ABHD13: variants seen among roughly 807,000 people sequenced by gnomAD.
ABHD13 encodes the protein abhydrolase domain containing 13, also known as protein ABHD13.
A neutral mutation model predicts 25.2 loss-of-function variants in ABHD13; 7 were observed. The ratio of observed to expected loss-of-function variants is 0.28; its 90% confidence interval spans 0.16 to 0.52. The LOEUF (loss-of-function observed/expected upper bound fraction) is 0.52, where lower values mean the gene tolerates loss of function less well. Among genes scored for constraint, ABHD13 ranks in the 20% least tolerant of loss-of-function variants. The pLI is 0.96. For synonymous variants in ABHD13, 133 were observed against 136.1 expected, an observed-to-expected ratio of 0.98 and a Z score of 0.16; for missense variants, 302 against 402.7, an observed-to-expected ratio of 0.75 and a Z score of 2.14.
chr13:108,222,770 CAT>C (rs1163216403), intron 1 of ABHD13, among the ~76,000 whole-genome samples: 1 of 152,132 alleles, frequency 6.6e-6, no homozygotes, highest in Non-Finnish European at 1.5e-5. Context: ...TACATACTCA[CAT>C]AAATAAAATT....
chr13:108,223,604 A>T (rs905594421), intron 1 of ABHD13, among the ~76,000 whole-genome samples: 3 of 152,260 alleles, frequency 2.0e-5, no homozygotes, highest in African/African-American at 7.2e-5. Flanking sequence ...ACGTGAGGCC[A>T]CTACCTTGAT....
Position 108,230,268 on chromosome 13 carries a change from T to C in ABHD13, c.*36T>C, listed in dbSNP as rs141948815. 1.8e-4 allele frequency: 264 copies of C among 1,463,450 alleles called. 2 individuals are homozygous for C. In the East Asian group the frequency reaches 5.2e-3, roughly 29 times the overall value. 90.7% of individuals were successfully genotyped at this position (1,463,450 alleles called of 1,614,324 possible). On this transcript the variant is annotated 3_prime_UTR_variant, in exon 2 of 2. Transcript: ENST00000375898. The stretch of plus-strand genomic sequence containing the variant: ...TTTGATTATTGCATTGTATTTTAAT[T>C]TGTGCAGAATGATAAAGAATGTTCC...
At chr13:108,222,127 A>C (rs1879582076) in intron 1 of ABHD13, among the ~76,000 whole-genome samples, 1 of 152,174 alleles carries the variant, frequency 6.6e-6, no homozygotes, top group Non-Finnish European at 1.5e-5. Flanking sequence ...CGCATGAGCC[A>C]CCATGCCTGG....
chr13:108,224,800 A>C (rs1594489503), intron 1 of ABHD13, among the ~76,000 whole-genome samples: 1 of 152,186 alleles, frequency 6.6e-6, no homozygotes, highest in East Asian at 1.9e-4. Context: ...TAGGACCATA[A>C]ATCCTCAAGA....
intron 1 of ABHD13, among the ~76,000 whole-genome samples, chr13:108,223,652 T>C (rs182112465): frequency 7.2e-5 from 11 of 152,342 alleles, no homozygotes; most frequent in African/African-American, 2.6e-4. Flanking sequence ...CATCATTGCT[T>C]ATGCATCATT....
At position 108,233,689 on chromosome 13, in the gene ABHD13, T is replaced by G. The variant is rs1311496845; in HGVS notation, c.*3457T>G. ...GGTAGAAAATGAAATGTACTTCTGTTTATTCTTAATACTATATATATATAT... is the reference window on the plus strand; with the variant it reads ...GGTAGAAAATGAAATGTACTTCTGTGTATTCTTAATACTATATATATATAT... On this transcript the variant is annotated 3_prime_UTR_variant, in exon 2 of 2. Coordinates refer to ENST00000375898, the MANE Select transcript of ABHD13 (RefSeq NM_032859.3). The G allele has an allele frequency of 6.0e-6, 1 of 166,454 alleles. No individual in the cohort carries two copies. Among genetic ancestry groups the G allele is most frequent in the African/African-American group, 2.4e-5 (1 of 41,412 alleles). The allele number at this position is 166,454 out of a possible 1,614,324, so 10.3% of individuals were successfully genotyped here. A position where few individuals can be genotyped will look rare whatever the true frequency, so the allele number is the denominator to read the frequency against.
In ABHD13 at chr13:108,231,801, A is replaced by G. The variant is rs1005381434; in HGVS notation, c.*1569A>G. The G allele has an allele frequency of 5.4e-5, 9 of 166,860 alleles. No homozygotes were observed. The highest frequency in any genetic ancestry group is 2.2e-4 in the African/African-American group (9 of 41,454). The allele number at this position is 166,860 out of a possible 1,614,324, so 10.3% of individuals were successfully genotyped here. A position where few individuals can be genotyped will look rare whatever the true frequency, so the allele number is the denominator to read the frequency against. ...GCTAGAAATACTTTTGCCAAATAGC[A>G]TTCTTATTCACTTTATGCCGGTATT... On this transcript the variant is annotated 3_prime_UTR_variant, in exon 2 of 2. Transcript: ENST00000375898.
chr13:108,222,631 G>A (rs1566379258), intron 1 of ABHD13, among the ~76,000 whole-genome samples: 1 of 152,020 alleles, frequency 6.6e-6, no homozygotes, highest in Non-Finnish European at 1.5e-5. Context: ...TATTGTGTTA[G>A]AAATTAAAAC....
rs1879818208 is a variant in ABHD13, at chr13:108,232,110, A to AG, written c.*1878_*1879insG. ...ATTTGTATCATTCTTTAAAGTTTAC[A>AG]AAAAAAAACCTTATGTTTTTATGTA... On this transcript the variant is annotated 3_prime_UTR_variant, in exon 2 of 2. Transcript: ENST00000375898. The AG allele has an allele frequency of 6.1e-6, 1 of 163,112 alleles. No homozygotes were observed. The highest frequency in any genetic ancestry group is 1.5e-5 in the Non-Finnish European group (1 of 66,748). 10.1% of individuals were successfully genotyped at this position (163,112 alleles called of 1,614,324 possible).
rs1370351985 is a variant in ABHD13 at position 108,232,629 on chromosome 13, C to T, written c.*2397C>T. 1 of 166,740 alleles carries T rather than the reference C, an allele frequency of 6.0e-6. No homozygotes were observed. The highest frequency in any genetic ancestry group is 1.5e-5 in the Non-Finnish European group (1 of 68,014). The allele number at this position is 166,740 out of a possible 1,614,324, so 10.3% of individuals were successfully genotyped here. ...TATATGTATCTATCTTGTGTATTAA[C>T]TTCTGACTTATTTATACAAGAGCAG... On this transcript the variant is annotated 3_prime_UTR_variant, in exon 2 of 2. Coordinates refer to ENST00000375898, the MANE Select transcript of ABHD13 (RefSeq NM_032859.3).
intron 1 of ABHD13, among the ~76,000 whole-genome samples, chr13:108,220,433 G>T (rs1310214628): frequency 1.3e-5 from 2 of 152,162 alleles, no homozygotes; most frequent in African/African-American, 4.8e-5. Context: ...TATCTCAGGG[G>T]AATCTATTTC....
intron 1 of ABHD13, among the ~76,000 whole-genome samples, chr13:108,227,747 A>ATT (rs1879705088): frequency 6.6e-6 from 1 of 152,050 alleles, no homozygotes; most frequent in Non-Finnish European, 1.5e-5. Flanking sequence ...ATAGGTAAGC[A>ATT]TTTTAAAAAC....
In ABHD13 at chr13:108,231,361, A is replaced by G. The variant is rs545561966; in HGVS notation, c.*1129A>G. 3 of 166,766 alleles carry G rather than the reference A, an allele frequency of 1.8e-5. No individual in the cohort carries two copies. In the East Asian group the frequency reaches 5.8e-4, roughly 32 times the overall value. 10.3% of individuals were successfully genotyped at this position (166,766 alleles called of 1,614,324 possible). A position where few individuals can be genotyped will look rare whatever the true frequency, so the allele number is the denominator to read the frequency against. On this transcript the variant is annotated 3_prime_UTR_variant, in exon 2 of 2. Transcript: ENST00000375898. The stretch of plus-strand genomic sequence containing the variant: ...ACTCCTACAATCAAAAGACAGTTTT[A>G]GGAAGTCTTATTTATTGATTTTAAA...
intron 1 of ABHD13, among the ~76,000 whole-genome samples, chr13:108,221,695 A>G (rs1403941748): frequency 1.2e-4 from 18 of 152,132 alleles, no homozygotes; most frequent in Non-Finnish European, 2.9e-5. Flanking sequence ...TTTTAATTGT[A>G]TTTGAAATTG....
intron 1 of ABHD13, among the ~76,000 whole-genome samples, chr13:108,228,930 G>A (rs916686177): frequency 9.2e-5 from 14 of 151,394 alleles, no homozygotes; most frequent in Admixed American, 8.6e-4. Flanking sequence ...GTGAGAACAC[G>A]TATATGAAGA....
chr13:108,221,141 G>T (rs1457917695), intron 1 of ABHD13, among the ~76,000 whole-genome samples: 4 of 152,194 alleles, frequency 2.6e-5, no homozygotes, highest in Non-Finnish European at 5.9e-5. Context: ...CCTAGTTAAA[G>T]ATGCTGTCTG....
In ABHD13 at chr13:108,230,609, T is replaced by C. The variant is rs1879783075; in HGVS notation, c.*377T>C. ...TTGGGTATTGTTTCTTAAGTAAATA[T>C]TGGGACAATCATGGTAAGCAAACTT... On this transcript the variant is annotated 3_prime_UTR_variant, in exon 2 of 2. Transcript: ENST00000375898. 5.7e-6 allele frequency: 1 copy of C among 174,086 alleles called. No individual in the cohort carries two copies. The highest frequency in any genetic ancestry group is 1.4e-5 in the Non-Finnish European group (1 of 72,788). The allele number at this position is 174,086 out of a possible 1,614,324, so 10.8% of individuals were successfully genotyped here.
chr13:108,228,552 G>T (rs541316251), intron 1 of ABHD13, among the ~76,000 whole-genome samples: 1 of 151,376 alleles, frequency 6.6e-6, no homozygotes, highest in South Asian at 2.1e-4. Context: ...TTAAAACTTC[G>T]AGGTAGAGGG....
At position 108,230,156 on chromosome 13, in the gene ABHD13, A is replaced by T. The variant is rs558570811; in HGVS notation, c.938A>T (p.Gln313Leu). ...CAAGGCTATTTCACTGCACTTGAAC[A>T]GTTCATCAAAGAAGTCGTAAAGAGC... is the stretch of plus-strand genomic sequence containing the variant. ...QCQGYFTALE[Q>L]FIKEVVKSHS... The change falls in exon 2 of 2, where the codon CAG becomes CTG. Residue 313 changes from glutamine (Q) to leucine (L), a missense_variant. Gln to Leu is a moderately radical substitution (Grantham distance 113). Transcript: ENST00000375898. 30 of 1,612,144 alleles carry T rather than the reference A, an allele frequency of 1.9e-5. No individual in the cohort carries two copies. Among genetic ancestry groups the T allele is most frequent in the Non-Finnish European group, 2.4e-5 (28 of 1,178,936 alleles).
Sources: allele counts gnomAD v4.1 joint callset (sites outside exome capture counted in the v4.1 genomes callset), GRCh38; gene constraint gnomAD v4.1.1; transcripts MANE v1.5; gene names NCBI Gene and HGNC (gene_info 2026-07-23, HGNC 2026-07-21).